KAZN: variants seen among roughly 807,000 people sequenced by gnomAD.
The protein encoded by KAZN is kazrin.
A neutral mutation model predicts 87.4 loss-of-function variants in KAZN; 40 were observed. The ratio of observed to expected loss-of-function variants is 0.46; its 90% CI spans 0.36 to 0.60. The LOEUF (loss-of-function observed/expected upper bound fraction) is 0.60. Among genes scored for constraint, KAZN ranks in the 20% least tolerant of loss-of-function variants. The probability of loss-of-function intolerance (pLI) is 0.00; values close to 1 mark genes in which losing one functional copy is unlikely to be tolerated. For synonymous variants in KAZN, 466 were observed against 458.3 expected, an observed-to-expected ratio of 1.02 and a Z score of -0.22; for missense variants, 898 against 1,073.9, an observed-to-expected ratio of 0.84 and a Z score of 2.29.
intron 2 of KAZN, among the ~76,000 whole-genome samples, chr1:14,323,254 C>T (rs1327363232): frequency 6.6e-6 from 1 of 151,524 alleles, no homozygotes; most frequent in East Asian, 1.9e-4. Flanking sequence ...TCTGCTTGCA[C>T]TTTGCATGGC....
chr1:14,657,985 G>A lies in KAZN; in HGVS notation c.226+58762G>A, dbSNP rs910489256. ...AAGTGGTCTATCTTGAGACCAAGGC[G>A]TGGAGTCCATAGGCACATGGCAGTG... On this transcript the variant is annotated intron_variant, in intron 1 of 14. Coordinates refer to ENST00000376030, the MANE Select transcript of KAZN (RefSeq NM_201628.3). 7.2e-5 allele frequency among the ~76,000 whole-genome samples: 11 copies of A among 152,310 alleles called. 1 individual carries two copies. Among genetic ancestry groups the A allele is most frequent in the East Asian group, 5.8e-4 (3 of 5,176 alleles).
intron 1 of KAZN, among the ~76,000 whole-genome samples, chr1:13,976,256 CAA>C (rs900221921): frequency 3.9e-5 from 6 of 152,116 alleles, no homozygotes; most frequent in Non-Finnish European, 7.4e-5. Flanking sequence ...TTTTGATTTT[CAA>C]AGAGAGCAAA....
At chr1:14,385,489 T>C (rs1289321488) in intron 2 of KAZN, among the ~76,000 whole-genome samples, 1 of 152,202 alleles carries the variant, frequency 6.6e-6, no homozygotes, top group Non-Finnish European at 1.5e-5. Context: ...TTTGAATGTG[T>C]CCCAGAGACT....
At chr1:14,070,167 C>CAAAGAAAAAAAAAAA (rs1643189214) in intron 1 of KAZN, among the ~76,000 whole-genome samples, 1 of 72,916 alleles carries the variant, frequency 1.4e-5, no homozygotes, top group South Asian at 4.5e-4. Context: ...GACTCCATCT[C>CAAAGAAAAAAAAAAA]AAAAAAAAAA....
chr1:14,443,046 G>T (rs1666785026), intron 2 of KAZN, among the ~76,000 whole-genome samples: 1 of 152,048 alleles, frequency 6.6e-6, no homozygotes. Context: ...GTCTTTCTCT[G>T]GTCCCCATTT....
intron 10 of KAZN, among the ~76,000 whole-genome samples, chr1:15,100,598 C>T (rs1457583526): frequency 1.3e-5 from 2 of 152,230 alleles, no homozygotes; most frequent in East Asian, 1.9e-4. Flanking sequence ...ACACATTCAC[C>T]GGCTTGAAAA....
At chr1:14,667,135 A>G (rs1378043569) in intron 1 of KAZN, among the ~76,000 whole-genome samples, 1 of 152,198 alleles carries the variant, frequency 6.6e-6, no homozygotes, top group Non-Finnish European at 1.5e-5. Flanking sequence ...GAGATTCCAG[A>G]TGGATGTGAA....
intron 1 of KAZN, among the ~76,000 whole-genome samples, chr1:14,614,553 C>T (rs1056588345): frequency 4.6e-5 from 7 of 152,170 alleles, no homozygotes; most frequent in Non-Finnish European, 8.8e-5. Context: ...ATCTGCTGGG[C>T]CTGCTGGCAA....
At position 15,021,345 on chromosome 1, in the gene KAZN, T is replaced by C. The variant is rs149526064; in HGVS notation, c.419-13404T>C. ...GATATTGCATTTCCAGAAATCTCCA[T>C]TTCCCCCTCCCGCTTCAACCTAGGG... On this transcript the variant is annotated intron_variant, in intron 2 of 14. Coordinates refer to ENST00000376030, the MANE Select transcript of KAZN (RefSeq NM_201628.3). This position sits in a 1 kb window ranked among gnomAD's most constrained non-coding sequence, Gnocchi z 4.2. 4.3e-4 allele frequency among the ~76,000 whole-genome samples: 66 copies of C among 152,302 alleles called. No individual in the cohort carries two copies. The highest frequency in any genetic ancestry group is 1.4e-3 in the African/African-American group (60 of 41,562).
intron 1 of KAZN, among the ~76,000 whole-genome samples, chr1:14,698,979 C>T (rs2148800151): frequency 6.6e-6 from 1 of 151,798 alleles, no homozygotes. Context: ...GACATAAAGG[C>T]TTCCCAGGTG....
At chr1:14,753,200 T>G (rs1389210980) in intron 1 of KAZN, among the ~76,000 whole-genome samples, 1 of 152,222 alleles carries the variant, frequency 6.6e-6, no homozygotes, top group Non-Finnish European at 1.5e-5. Context: ...CACCTCCTGT[T>G]TATTTTTCAA....
At chr1:14,167,810 C>T (rs2100241762) in intron 1 of KAZN, among the ~76,000 whole-genome samples, 1 of 152,180 alleles carries the variant, frequency 6.6e-6, no homozygotes, top group Non-Finnish European at 1.5e-5. Flanking sequence ...AAGTAAAAGG[C>T]CTTGAGGTGG....
upstream of KAZN, among the ~76,000 whole-genome samples, chr1:14,597,588 T>C (rs1388455681): frequency 6.6e-6 from 1 of 152,102 alleles, no homozygotes; most frequent in Admixed American, 6.5e-5. Flanking sequence ...ACACGCAGTT[T>C]TTGCTTGGTT....
At chr1:14,218,221 G>A (rs1647000894) in intron 2 of KAZN, among the ~76,000 whole-genome samples, 1 of 152,074 alleles carries the variant, frequency 6.6e-6, no homozygotes, top group African/African-American at 2.4e-5. Context: ...TTCTGGCATG[G>A]AAGAAAGTAA....
At chr1:14,130,929 G>T (rs1644979804) in intron 1 of KAZN, among the ~76,000 whole-genome samples, 1 of 152,168 alleles carries the variant, frequency 6.6e-6, no homozygotes, top group South Asian at 2.1e-4. Flanking sequence ...TATGCAAGCA[G>T]TGTGTATTAG....
intron 1 of KAZN, among the ~76,000 whole-genome samples, chr1:14,037,636 A>G (rs1307283629): frequency 6.6e-6 from 1 of 152,180 alleles, no homozygotes; most frequent in Non-Finnish European, 1.5e-5. Flanking sequence ...AGCTGTTTTC[A>G]AGAACTCCAG....
At chr1:14,120,346 A>T (rs1644725302) in intron 1 of KAZN, among the ~76,000 whole-genome samples, 1 of 152,162 alleles carries the variant, frequency 6.6e-6, no homozygotes, top group South Asian at 2.1e-4. Context: ...TCATGAGAAC[A>T]GCACCAAGAG....
At chr1:14,426,104 A>G (rs1211359479) in intron 2 of KAZN, among the ~76,000 whole-genome samples, 1 of 152,218 alleles carries the variant, frequency 6.6e-6, no homozygotes, top group African/African-American at 2.4e-5. Context: ...TCCTGCCTGA[A>G]TCAGCTCAGC....
chr1:14,634,221 G>C (rs1374516542), intron 1 of KAZN, among the ~76,000 whole-genome samples: 1 of 152,088 alleles, frequency 6.6e-6, no homozygotes, highest in Non-Finnish European at 1.5e-5. Context: ...ACACCATATT[G>C]GCACTTGAAC....
Sources: allele counts gnomAD v4.1 joint callset (sites outside exome capture counted in the v4.1 genomes callset), GRCh38; gene constraint gnomAD v4.1.1; non-coding constraint Gnocchi (gnomAD v3.1); transcripts MANE v1.5; gene names NCBI Gene and HGNC (gene_info 2026-07-23, HGNC 2026-07-21).